FSTL4: variants seen among roughly 807,000 people sequenced by gnomAD.
FSTL4 encodes follistatin-related protein 4.
In FSTL4, 28 loss-of-function variants were observed where a neutral mutation model predicts 78.2. The observed-to-expected ratio is 0.36, with a 90% CI of 0.27 to 0.49. The LOEUF is 0.49. FSTL4 is among the 20% of genes least tolerant of loss of function. FSTL4 has a pLI of 0.98. For missense variants in FSTL4, 922 were observed against 1,084.9 expected (o/e 0.85, Z 2.11); for synonymous variants, 422 against 440.5 (o/e 0.96, Z 0.53).
At chr5:133,787,476 C>A in the FSTL4 span, among the ~76,000 whole-genome samples, 1,364 of 152,306 alleles carry the variant, frequency 9.0e-3, 27 homozygotes, top group African/African-American at 0.032. Context: ...CTCACAAAAC[C>A]ATGTCTTCCT....
the FSTL4 span, among the ~76,000 whole-genome samples, chr5:133,721,514 TCTC>T: frequency 2.6e-5 from 4 of 152,314 alleles, no homozygotes; most frequent in African/African-American, 9.6e-5. Context: ...AGACTTTACT[TCTC>T]CTTCATTTCT....
chr5:133,334,787 G>A (rs73282069), intron 4 of FSTL4, among the ~76,000 whole-genome samples: 7,594 of 152,192 alleles, frequency 0.05, 478 homozygotes, highest in African/African-American at 0.15. Flanking sequence ...TGGAAGTGGC[G>A]GCAGCTCATC....
the FSTL4 span, among the ~76,000 whole-genome samples, chr5:133,771,736 C>T: frequency 6.6e-6 from 1 of 151,786 alleles, no homozygotes; most frequent in East Asian, 1.9e-4. Flanking sequence ...TTTTTTTCTC[C>T]CGCCTGATTG....
Position 133,199,862 on chromosome 5 carries a change from A to G in FSTL4, c.1827-65T>C, listed in dbSNP as rs1230571725. ...GGTGGGGAATCTGTCATTTGTCTTA[A>G]ACAATTACATCCTCTGCCTTTTCCC... is the stretch of plus-strand genomic sequence containing the variant. On this transcript the variant is annotated intron_variant, in intron 15 of 15. Coordinates refer to ENST00000265342, the MANE Select transcript of FSTL4 (RefSeq NM_015082.2). This position sits in a 1 kb window ranked among gnomAD's most constrained non-coding sequence, Gnocchi z 4.4. The G allele has an allele frequency of 2.6e-6, 2 of 756,860 alleles. No individual in the cohort carries two copies. The highest frequency in any genetic ancestry group is 3.5e-5 in the African/African-American group (2 of 57,016). The allele number at this position is 756,860 out of a possible 1,614,324, so 46.9% of individuals were successfully genotyped here.
At chr5:133,708,746 T>C in the FSTL4 span, among the ~76,000 whole-genome samples, 1 of 152,240 alleles carries the variant, frequency 6.6e-6, no homozygotes, top group African/African-American at 2.4e-5. Context: ...AACCAGTCAA[T>C]GTGGCCCAAA....
chr5:133,814,876 A>C, the FSTL4 span, among the ~76,000 whole-genome samples: 2 of 152,228 alleles, frequency 1.3e-5, no homozygotes, highest in Non-Finnish European at 2.9e-5. Flanking sequence ...CTGTGCCCTA[A>C]GTGTTTATAT....
intron 3 of FSTL4, among the ~76,000 whole-genome samples, chr5:133,556,640 T>C (rs1326127458): frequency 1.3e-5 from 2 of 152,054 alleles, no homozygotes; most frequent in Non-Finnish European, 2.9e-5. Flanking sequence ...GGAAAGAGAA[T>C]CGCTTGAACC....
chr5:133,628,621 A>G, the FSTL4 span, among the ~76,000 whole-genome samples: 1 of 152,018 alleles, frequency 6.6e-6, no homozygotes, highest in Non-Finnish European at 1.5e-5. Flanking sequence ...CGGCCTCCCT[A>G]AGTGCTGGGG....
At chr5:133,804,319 C>A in the FSTL4 span, among the ~76,000 whole-genome samples, 1 of 152,108 alleles carries the variant, frequency 6.6e-6, no homozygotes, top group Admixed American at 6.5e-5. Context: ...TCAGGGCCTG[C>A]CACGATACTG....
chr5:133,575,238 C>T (rs187718239), intron 2 of FSTL4: 2 of 152,258 alleles, frequency 1.3e-5, no homozygotes, highest in African/African-American at 2.4e-5. Context: ...AGACTCAAAC[C>T]TCTGAGGTCC....
the FSTL4 span, among the ~76,000 whole-genome samples, chr5:133,761,197 C>T: frequency 6.6e-6 from 1 of 152,136 alleles, no homozygotes; most frequent in Non-Finnish European, 1.5e-5. Context: ...ACTATTTGCT[C>T]AATCACCTCC....
chr5:133,207,033 A>AAAAT (rs1225736956), intron 14 of FSTL4, among the ~76,000 whole-genome samples: 1 of 152,194 alleles, frequency 6.6e-6, no homozygotes, highest in Non-Finnish European at 1.5e-5. Context: ...TAATTATCAG[A>AAAAT]AAATATAGCC....
At chr5:133,647,117 T>C in the FSTL4 span, among the ~76,000 whole-genome samples, 45 of 152,164 alleles carry the variant, frequency 3.0e-4, no homozygotes, top group Non-Finnish European at 5.0e-4. Flanking sequence ...GTGGGTTCCA[T>C]GGATTGGGAT....
At chr5:133,657,828 T>C in the FSTL4 span, among the ~76,000 whole-genome samples, 2 of 151,060 alleles carry the variant, frequency 1.3e-5, no homozygotes, top group Admixed American at 6.6e-5. Context: ...AACAGATGTA[T>C]AGACTACATT....
At chr5:133,620,371 T>A in the FSTL4 span, among the ~76,000 whole-genome samples, 4 of 152,198 alleles carry the variant, frequency 2.6e-5, no homozygotes, top group African/African-American at 9.7e-5. Context: ...TGAATATAAT[T>A]GTCACTCTAT....
intron 3 of FSTL4, among the ~76,000 whole-genome samples, chr5:133,547,920 C>T (rs1041961485): frequency 6.6e-5 from 10 of 152,230 alleles, no homozygotes; most frequent in East Asian, 3.9e-4. Flanking sequence ...TAAAGTTACC[C>T]GGCCAATCAT....
upstream of FSTL4, among the ~76,000 whole-genome samples, chr5:133,613,097 G>C (rs1047307991): frequency 6.6e-6 from 1 of 152,212 alleles, no homozygotes; most frequent in African/African-American, 2.4e-5. Context: ...ACCTGACCTA[G>C]CTGGGCCCAG....
At chr5:133,220,973 T>C in intron 11 of FSTL4, 107 bp from the exon 12 acceptor site, 1 of 781,264 alleles carries the variant, frequency 1.3e-6, no homozygotes, top group Non-Finnish European at 2.4e-6. Flanking sequence ...ATGCATCTGG[T>C]GCAGGCACGA....
chr5:133,428,765 A>G (rs918580825), intron 3 of FSTL4, among the ~76,000 whole-genome samples: 14 of 152,164 alleles, frequency 9.2e-5, no homozygotes, highest in Non-Finnish European at 1.5e-4. Flanking sequence ...TGGCCACTAA[A>G]CTTAACATGA....
Sources: allele counts gnomAD v4.1 joint callset (sites outside exome capture counted in the v4.1 genomes callset), GRCh38; gene constraint gnomAD v4.1.1; non-coding constraint Gnocchi (gnomAD v3.1); transcripts MANE v1.5; gene names NCBI Gene and HGNC (gene_info 2026-07-23, HGNC 2026-07-21).